The following ARRB1 variants were observed in gnomAD, a reference collection of about 807,000 sequenced individuals.
The protein encoded by ARRB1 is arrestin beta 1, also known as beta-arrestin-1.
In ARRB1, 21 loss-of-function variants were observed where a neutral mutation model predicts 56.8. That is an observed-to-expected ratio of 0.37 (90% CI 0.26 to 0.53). ARRB1 has a LOEUF of 0.53. Among genes scored for constraint, ARRB1 ranks in the 20% least tolerant of loss-of-function variants. The probability of loss-of-function intolerance (pLI) is 0.88; values close to 1 mark genes in which losing one functional copy is unlikely to be tolerated. For missense variants in ARRB1, 424 were observed against 553.7 expected, an observed-to-expected ratio of 0.77 and a Z score of 2.35; for synonymous variants, 210 against 218.6, an observed-to-expected ratio of 0.96 and a Z score of 0.35.
chr11:75,300,740 G>A (rs1273519819), intron 1 of ARRB1, among the ~76,000 whole-genome samples: 1 of 151,744 alleles, frequency 6.6e-6, no homozygotes, highest in African/African-American at 2.4e-5. Context: ...GCCGAGGCGG[G>A]CGGATCACGA....
chr11:75,336,256 A>G (rs1947601422), intron 1 of ARRB1, among the ~76,000 whole-genome samples: 1 of 152,160 alleles, frequency 6.6e-6, no homozygotes, highest in South Asian at 2.1e-4. Flanking sequence ...CCCTCTCTGG[A>G]TGTGTCTGAG....
intron 3 of ARRB1, among the ~76,000 whole-genome samples, chr11:75,286,396 T>A (rs899656747): frequency 6.0e-5 from 9 of 150,066 alleles, no homozygotes; most frequent in Non-Finnish European, 1.0e-4. Flanking sequence ...CCCACCCCAG[T>A]AGCAGGGAAT....
At chr11:75,294,940 C>G (rs1211435924) in intron 1 of ARRB1, among the ~76,000 whole-genome samples, 2 of 151,936 alleles carry the variant, frequency 1.3e-5, no homozygotes, top group African/African-American at 2.4e-5. Context: ...CCAACACAAA[C>G]AGGCCAGGTG....
intron 1 of ARRB1, chr11:75,311,981 G>C: frequency 2.4e-6 from 3 of 1,238,916 alleles, no homozygotes; most frequent in Middle Eastern, 2.2e-4. Flanking sequence ...GGGCCGAGGG[G>C]CTGGGAAAAA....
intron 1 of ARRB1, among the ~76,000 whole-genome samples, chr11:75,321,397 G>A (rs749315295): frequency 6.6e-5 from 10 of 151,768 alleles, no homozygotes; most frequent in African/African-American, 9.7e-5. Flanking sequence ...GACCACCAAA[G>A]TAACCCATCT....
intron 2 of ARRB1, 57 bp from the exon 3 acceptor site, chr11:75,287,432 C>T (rs990877643): frequency 8.5e-6 from 13 of 1,532,496 alleles, no homozygotes; most frequent in African/African-American, 2.8e-5. Context: ...GACACAGGAC[C>T]CTGTCTTGGA....
rs71036046 is a variant in ARRB1 at position 75,337,786 on chromosome 11, CTTTTTTTTTTTTTTT to C, written c.20+13787_20+13801del. Among the ~76,000 whole-genome samples, 368 of 38,534 alleles carry C rather than the reference CTTTTTTTTTTTTTTT, an allele frequency of 9.6e-3. 8 individuals carry two copies. The highest frequency in any genetic ancestry group is 0.037 in the African/African-American group (343 of 9,266). The allele number at this position is 38,534 out of a possible 152,430, so 25.3% of individuals were successfully genotyped here. ...TGTTCAATGAATTTCATTGAAATGT[CTTTTTTTTTTTTTTT>C]TTTTTTTTTTTTTTTTGAGACGGAG... is the stretch of plus-strand genomic sequence containing the variant. On this transcript the variant is annotated intron_variant, in intron 1 of 15. Coordinates refer to ENST00000420843, the MANE Select transcript of ARRB1 (RefSeq NM_004041.5).
At chr11:75,314,973 G>A (rs542854711) in intron 1 of ARRB1, among the ~76,000 whole-genome samples, 12 of 152,284 alleles carry the variant, frequency 7.9e-5, no homozygotes, top group South Asian at 6.2e-4. Flanking sequence ...AGAGAGGCCC[G>A]TGGTAGATGA....
intron 1 of ARRB1, among the ~76,000 whole-genome samples, chr11:75,308,965 T>C (rs1050753652): frequency 6.6e-6 from 1 of 152,252 alleles, no homozygotes; most frequent in Non-Finnish European, 1.5e-5. Flanking sequence ...TTATGTTTAA[T>C]CTCAAGGATA....
intron 1 of ARRB1, among the ~76,000 whole-genome samples, chr11:75,297,863 T>TAAA (rs1946794240): frequency 4.3e-3 from 3 of 694 alleles, no homozygotes; most frequent in Non-Finnish European, 4.5e-3. Context: ...AGACTTTGTC[T>TAAA]CAAAAAAAAA....
chr11:75,330,200 T>A (rs1402612019), intron 1 of ARRB1, among the ~76,000 whole-genome samples: 2 of 152,252 alleles, frequency 1.3e-5, no homozygotes, highest in Non-Finnish European at 1.5e-5. Flanking sequence ...GCAAGCTGTG[T>A]GTTCAGACAA....
intron 1 of ARRB1, among the ~76,000 whole-genome samples, chr11:75,329,088 CTTTTT>C (rs770989128): frequency 3.9e-5 from 4 of 103,654 alleles, no homozygotes; most frequent in Non-Finnish European, 5.9e-5. Flanking sequence ...TGCTGTGTAA[CTTTTT>C]TTTTTTTTTT....
In ARRB1 at chr11:75,262,677, C is replaced by T. The variant is rs1945823784; in HGVS notation, c.*3486G>A. On this transcript the variant is annotated 3_prime_UTR_variant, in exon 16 of 16. Transcript: ENST00000420843. ...CCTGCGTCAGGCAGGGAAGGGATTA[C>T]AATCCCATTTTACAGTTAGGGAAAT... is the stretch of plus-strand genomic sequence containing the variant. 6.6e-6 allele frequency among the ~76,000 whole-genome samples: 1 copy of T among 152,196 alleles called. No individual in the cohort carries two copies. The highest frequency in any genetic ancestry group is 2.4e-5 in the African/African-American group (1 of 41,456).
At chr11:75,273,158 A>G (rs1264871287) in intron 11 of ARRB1, among the ~76,000 whole-genome samples, 180 bp from the exon 12 acceptor site, 5 of 152,068 alleles carry the variant, frequency 3.3e-5, no homozygotes, top group Non-Finnish European at 1.5e-5. Context: ...GGTAGCAGGG[A>G]CCCAGAGCCC....
chr11:75,284,070 T>C (rs1310773659), intron 4 of ARRB1, among the ~76,000 whole-genome samples, 165 bp downstream of exon 4: 1 of 152,114 alleles, frequency 6.6e-6, no homozygotes, highest in African/African-American at 2.4e-5. Flanking sequence ...CAAAGTAAGC[T>C]TGGGGCAGGG....
intron 1 of ARRB1, among the ~76,000 whole-genome samples, chr11:75,319,197 G>T (rs1947308509): frequency 6.6e-6 from 1 of 152,084 alleles, no homozygotes; most frequent in African/African-American, 2.4e-5. Flanking sequence ...CTCGCCCAGG[G>T]GAGCAGAGCC....
At position 75,263,050 on chromosome 11, in the gene ARRB1, A is replaced by G. The variant is rs1945833936; in HGVS notation, c.*3113T>C. On this transcript the variant is annotated 3_prime_UTR_variant, in exon 16 of 16. Transcript: ENST00000420843. ...CTGCCCGGACCGGTGTCCACACGCC[A>G]CCCACAGGGCACACTGCAAAGTCCC... Among the ~76,000 whole-genome samples the G allele has an allele frequency of 6.6e-6, 1 of 152,180 alleles. No individual in the cohort carries two copies. The highest frequency in any genetic ancestry group is 2.4e-5 in the African/African-American group (1 of 41,448).
chr11:75,312,169 G>A (rs1341427794), intron 1 of ARRB1: 29 of 1,285,656 alleles, frequency 2.3e-5, no homozygotes, highest in Admixed American at 4.6e-5. Flanking sequence ...CGCCCTCCCC[G>A]GGGAGTGGTG....
intron 1 of ARRB1, among the ~76,000 whole-genome samples, chr11:75,335,850 C>T (rs915356788): frequency 3.3e-5 from 5 of 152,210 alleles, no homozygotes; most frequent in Non-Finnish European, 7.3e-5. Flanking sequence ...TCCCGTTTGG[C>T]CCACACGACA....
Sources: allele counts gnomAD v4.1 joint callset (sites outside exome capture counted in the v4.1 genomes callset), GRCh38; gene constraint gnomAD v4.1.1; transcripts MANE v1.5; gene names NCBI Gene and HGNC (gene_info 2026-07-23, HGNC 2026-07-21).